Variants in RHPN2 observed in about 807,000 individuals in gnomAD.
RHPN2 encodes the protein rhophilin-2.
A neutral mutation model predicts 79.0 loss-of-function variants in RHPN2; 40 were observed. The ratio of observed to expected loss-of-function variants is 0.51; its 90% CI spans 0.39 to 0.66. The LOEUF is 0.66. Ranked by LOEUF, RHPN2 falls within the 30% of genes least tolerant of loss-of-function variation. RHPN2 has a pLI of 0.00. For missense variants in RHPN2, 686 were observed against 883.5 expected (o/e 0.78, Z 2.83); for synonymous variants, 285 against 363.5 (o/e 0.78, Z 2.46).
At chr19:33,052,299 A>G (rs1318813813) in intron 1 of RHPN2, among the ~76,000 whole-genome samples, 1 of 152,090 alleles carries the variant, frequency 6.6e-6, no homozygotes. Flanking sequence ...TGCACAGCCA[A>G]AGATAAAGCT....
chr19:33,045,756 G>A (rs889447565), intron 1 of RHPN2, among the ~76,000 whole-genome samples: 3 of 152,072 alleles, frequency 2.0e-5, no homozygotes, highest in Admixed American at 6.6e-5. Context: ...TTACAGGCGC[G>A]AGCCACCACG....
chr19:33,061,355 G>A (rs563648343), intron 1 of RHPN2, among the ~76,000 whole-genome samples: 5 of 150,126 alleles, frequency 3.3e-5, no homozygotes, highest in East Asian at 4.0e-4. Flanking sequence ...ACAGGCACCC[G>A]CCACCACGCC....
chr19:33,056,404 C>G (rs1348333764), intron 1 of RHPN2, among the ~76,000 whole-genome samples: 1 of 151,932 alleles, frequency 6.6e-6, no homozygotes, highest in African/African-American at 2.4e-5. Flanking sequence ...GAGCCACCAC[C>G]CCCGGCCTTC....
intron 14 of RHPN2, among the ~76,000 whole-genome samples, chr19:32,983,178 C>G (rs56847352): frequency 2.1e-4 from 28 of 136,364 alleles, no homozygotes; most frequent in Admixed American, 3.7e-4. Flanking sequence ...CACACACACA[C>G]ACACACACAC....
intron 6 of RHPN2, among the ~76,000 whole-genome samples, chr19:33,008,834 G>A (rs1971814483): frequency 6.6e-6 from 1 of 152,032 alleles, no homozygotes; most frequent in African/African-American, 2.4e-5. Context: ...AAGATGACAG[G>A]ACTAATCACA....
chr19:33,064,866 G>T lies in RHPN2; in HGVS notation c.-14C>A. ...CGCGTCGGTCATGCTAGCGGCGCGG[G>T]CGCGGAGGGCGGACGGCGGACTGAG... is the stretch of plus-strand genomic sequence containing the variant. On this transcript the variant is annotated 5_prime_UTR_variant, in exon 1 of 15. Transcript: ENST00000254260. 3 of 1,500,952 alleles carry T rather than the reference G, an allele frequency of 2.0e-6. No homozygotes were observed. Among genetic ancestry groups the T allele is most frequent in the Non-Finnish European group, 2.7e-6 (3 of 1,131,958 alleles). 93.0% of individuals were successfully genotyped at this position (1,500,952 alleles called of 1,614,324 possible).
intron 10 of RHPN2, 29 bp downstream of exon 10, chr19:32,999,557 C>G: frequency 6.2e-7 from 1 of 1,602,458 alleles, no homozygotes; most frequent in Non-Finnish European, 8.5e-7. Context: ...CCAAGTGGGG[C>G]CCACATCTGG....
At chr19:32,994,577 G>A (rs181047232) in intron 11 of RHPN2, among the ~76,000 whole-genome samples, 163 of 152,144 alleles carry the variant, frequency 1.1e-3, no homozygotes, top group African/African-American at 3.8e-3. Context: ...ACTCCTTCCC[G>A]AGCTGGGACC....
intron 1 of RHPN2, among the ~76,000 whole-genome samples, chr19:33,062,795 A>G (rs2145277583): frequency 6.7e-6 from 1 of 148,404 alleles, no homozygotes; most frequent in African/African-American, 2.5e-5. Context: ...AATAATAATA[A>G]TAATAATAAT....
At chr19:33,053,857 G>A (rs950801102) in intron 1 of RHPN2, among the ~76,000 whole-genome samples, 14 of 149,078 alleles carry the variant, frequency 9.4e-5, no homozygotes, top group East Asian at 2.1e-4. Context: ...GTGAGCCACC[G>A]CGCCCAGTCT....
chr19:33,047,401 TAA>T (rs945262025), intron 1 of RHPN2, among the ~76,000 whole-genome samples: 13 of 152,184 alleles, frequency 8.5e-5, no homozygotes, highest in African/African-American at 3.1e-4. Context: ...CGCTTCACGC[TAA>T]AAGTTTAAGA....
Position 33,064,874 on chromosome 19 carries a change from G to A in RHPN2, c.-22C>T. ...TCATGCTAGCGGCGCGGGCGCGGAG[G>A]GCGGACGGCGGACTGAGGCGCGGCG... On this transcript the variant is annotated 5_prime_UTR_variant, in exon 1 of 15. Transcript: ENST00000254260. The A allele has an allele frequency of 6.7e-7, 1 of 1,494,844 alleles. No homozygotes were observed. Among genetic ancestry groups the A allele is most frequent in the Non-Finnish European group, 8.9e-7 (1 of 1,128,938 alleles). 92.6% of individuals were successfully genotyped at this position (1,494,844 alleles called of 1,614,324 possible).
At chr19:32,990,778 A>C (rs2146001616) in intron 13 of RHPN2, 109 bp from the exon 14 acceptor site, 2 of 1,346,748 alleles carry the variant, frequency 1.5e-6, no homozygotes, top group East Asian at 4.9e-5. Context: ...AGAAAGCAAA[A>C]ATTCACTTTG....
chr19:33,049,378 G>A lies in RHPN2; in HGVS notation c.70-5014C>T, dbSNP rs141146167. On this transcript the variant is annotated intron_variant, in intron 1 of 14. Coordinates refer to ENST00000254260, the MANE Select transcript of RHPN2 (RefSeq NM_033103.5). ...TGTGTAATAACGAGACCTTAGCCCTGAACAAACAGCTTCCAGAATAGCCTC... is the reference window on the plus strand; with the variant it reads ...TGTGTAATAACGAGACCTTAGCCCTAAACAAACAGCTTCCAGAATAGCCTC... Among the ~76,000 whole-genome samples the A allele has an allele frequency of 3.6e-3, 554 of 152,156 alleles. 1 individual carries two copies. The highest frequency in any genetic ancestry group is 0.012 in the African/African-American group (514 of 41,514).
chr19:33,062,743 G>A (rs1332320600), intron 1 of RHPN2, among the ~76,000 whole-genome samples: 3 of 149,946 alleles, frequency 2.0e-5, no homozygotes, highest in African/African-American at 4.9e-5. Context: ...ACTCCAGCCT[G>A]AGCGACAGAG....
intron 3 of RHPN2, among the ~76,000 whole-genome samples, chr19:33,023,927 A>AGACCTTC (rs1255321828): frequency 6.6e-6 from 1 of 152,204 alleles, no homozygotes; most frequent in Non-Finnish European, 1.5e-5. Flanking sequence ...ACCAATCCAG[A>AGACCTTC]GACCTTCGGT....
Position 32,979,867 on chromosome 19 carries a change from G to A in RHPN2, c.*129C>T, listed in dbSNP as rs1971558842. The stretch of plus-strand genomic sequence containing the variant: ...TTTCCTTCATAAAAACACATCAAAT[G>A]TGAGTTTACACTATGAGAAAAACAG... On this transcript the variant is annotated 3_prime_UTR_variant, in exon 15 of 15. Coordinates refer to ENST00000254260, the MANE Select transcript of RHPN2 (RefSeq NM_033103.5). The A allele has an allele frequency of 5.2e-6, 6 of 1,163,930 alleles. No individual in the cohort carries two copies. The highest frequency in any genetic ancestry group is 7.5e-6 in the Non-Finnish European group (6 of 801,864). 72.1% of individuals were successfully genotyped at this position (1,163,930 alleles called of 1,614,324 possible). A position where few individuals can be genotyped will look rare whatever the true frequency, so the allele number is the denominator to read the frequency against.
intron 1 of RHPN2, among the ~76,000 whole-genome samples, chr19:33,053,865 T>C (rs4805847): frequency 0.98 from 148,591 of 152,008 alleles, 72,647 homozygotes; most frequent in East Asian, 1. Flanking sequence ...CCGCGCCCAG[T>C]CTCTTGTTTT....
At chr19:32,998,400 T>A (rs1436843199) in intron 10 of RHPN2, among the ~76,000 whole-genome samples, 2 of 152,092 alleles carry the variant, frequency 1.3e-5, no homozygotes, top group Admixed American at 1.3e-4. Flanking sequence ...CCCAGCACTT[T>A]GGGAGACAGA....
Sources: gnomAD v4.1 joint callset for allele counts (sites outside exome capture counted in the v4.1 genomes callset) on GRCh38, gnomAD v4.1.1 for gene constraint, MANE v1.5 for transcripts, NCBI Gene and HGNC (gene_info 2026-07-23, HGNC 2026-07-21) for gene names.